Variants in RNF157 observed in about 807,000 individuals in gnomAD.
The protein encoded by RNF157 is E3 ubiquitin ligase RNF157.
RNF157 carries 55 observed loss-of-function variants against 88.3 expected under a neutral mutation model. The ratio of observed to expected loss-of-function variants is 0.62; its 90% CI spans 0.50 to 0.78. The LOEUF (loss-of-function observed/expected upper bound fraction) is 0.78. Ranked by LOEUF, RNF157 falls within the 30% of genes least tolerant of loss-of-function variation. The pLI, the probability that RNF157 is intolerant of heterozygous loss-of-function variation, is 0.00. For missense variants in RNF157, 788 were observed against 860.8 expected (o/e 0.92, Z 1.06); for synonymous variants, 334 against 341.2 (o/e 0.98, Z 0.23).
intron 2 of RNF157, among the ~76,000 whole-genome samples, chr17:76,207,639 C>T (rs1263181337): frequency 6.6e-6 from 1 of 152,188 alleles, no homozygotes; most frequent in Non-Finnish European, 1.5e-5. Context: ...AAAGAGGAGT[C>T]GTTCTTGCCG....
At chr17:76,224,398 C>T (rs1387666731) in intron 1 of RNF157, among the ~76,000 whole-genome samples, 3 of 151,824 alleles carry the variant, frequency 2.0e-5, no homozygotes, top group Non-Finnish European at 4.4e-5. Flanking sequence ...TTCTATTCTT[C>T]TACAATTCTA....
Position 76,161,913 on chromosome 17 carries a change from G to A in RNF157, c.882C>T (p.His294=), listed in dbSNP as rs2068851750. Residue 294 remains histidine, a synonymous_variant, in exon 10 of 19, where the codon CAC becomes CAT. Coordinates refer to ENST00000269391, the MANE Select transcript of RNF157 (RefSeq NM_052916.3). The surrounding 1 kb of genome is among the most constrained non-coding windows in gnomAD (Gnocchi z 4.6). ...CTGCACAGGTGTTACAGAGGCAGAGGTGGCGACAGGGCAGAATCAAGGTGT... is the reference window on the plus strand; with the variant it reads ...CTGCACAGGTGTTACAGAGGCAGAGATGGCGACAGGGCAGAATCAAGGTGT... ...VRDTLILPCR[H]LCLCNTCADT... 1 of 1,614,208 alleles carries A rather than the reference G, an allele frequency of 6.2e-7. No individual in the cohort carries two copies. Among genetic ancestry groups the A allele is most frequent in the Non-Finnish European group, 8.5e-7 (1 of 1,180,042 alleles).
chr17:76,176,462 T>C lies in RNF157; in HGVS notation c.208-2672A>G, dbSNP rs1296278594. 6.6e-6 allele frequency among the ~76,000 whole-genome samples: 1 copy of C among 152,218 alleles called. No individual in the cohort carries two copies. Among genetic ancestry groups the C allele is most frequent in the Non-Finnish European group, 1.5e-5 (1 of 68,030 alleles). ...CTCTTAGAGTTGTCTCCCATTCTTC[T>C]GTAAATCGATTTTGCCTACTATTAC... On this transcript the variant is annotated intron_variant, in intron 2 of 18. Coordinates refer to ENST00000269391, the MANE Select transcript of RNF157 (RefSeq NM_052916.3). The surrounding 1 kb of genome is among the most constrained non-coding windows in gnomAD (Gnocchi z 4.2).
chr17:76,213,789 A>G (rs1361585662), intron 1 of RNF157, among the ~76,000 whole-genome samples: 1 of 152,146 alleles, frequency 6.6e-6, no homozygotes, highest in Non-Finnish European at 1.5e-5. Flanking sequence ...TTGATCATCA[A>G]TGTCCAATGA....
intron 8 of RNF157, 167 bp downstream of exon 8, chr17:76,164,581 G>T: frequency 2.3e-5 from 10 of 428,768 alleles, no homozygotes; most frequent in Non-Finnish European, 3.7e-5. Context: ...ACATTCAAAA[G>T]CACTCCCTTT....
intron 12 of RNF157, 57 bp from the exon 13 acceptor site, chr17:76,158,558 T>C: frequency 8.0e-7 from 1 of 1,246,816 alleles, no homozygotes; most frequent in Non-Finnish European, 1.2e-6. Context: ...AGAACAGAAC[T>C]TACTGCAAGG....
rs566266413 is a variant in RNF157 at position 76,190,974 on chromosome 17, G to A, written c.208-17184C>T. ...CACCTGTAGTCCCGGCACTTTGGGAGGCCAGGAGTTCAAGACCAGCCTGGG... is the reference window on the plus strand; with the variant it reads ...CACCTGTAGTCCCGGCACTTTGGGAAGCCAGGAGTTCAAGACCAGCCTGGG... On this transcript the variant is annotated intron_variant, in intron 2 of 18. Transcript: ENST00000269391. Among the ~76,000 whole-genome samples, 136 of 152,006 alleles carry A rather than the reference G, an allele frequency of 8.9e-4. 1 individual carries two copies. Among genetic ancestry groups the A allele is most frequent in the Non-Finnish European group, 1.5e-3 (101 of 67,988 alleles).
intron 1 of RNF157, among the ~76,000 whole-genome samples, chr17:76,235,032 T>C (rs2070257638): frequency 6.6e-6 from 1 of 152,242 alleles, no homozygotes; most frequent in African/African-American, 2.4e-5. Flanking sequence ...ATTGTGCCAA[T>C]ACCACACTAT....
intron 2 of RNF157, among the ~76,000 whole-genome samples, chr17:76,184,233 GCAGA>G (rs1185261528): frequency 2.0e-5 from 3 of 151,376 alleles, no homozygotes; most frequent in Non-Finnish European, 4.4e-5. Flanking sequence ...TGTATATTGG[GCAGA>G]CATTTAATAT....
intron 1 of RNF157, among the ~76,000 whole-genome samples, chr17:76,232,398 A>G (rs1054411991): frequency 1.3e-5 from 2 of 152,088 alleles, no homozygotes; most frequent in Non-Finnish European, 2.9e-5. Flanking sequence ...CTAAAAAAAA[A>G]AAGCAAAGAA....
chr17:76,158,140 A>T (rs185902880), intron 13 of RNF157, among the ~76,000 whole-genome samples: 35 of 152,046 alleles, frequency 2.3e-4, no homozygotes, highest in African/African-American at 7.5e-4. Flanking sequence ...GCAAGAATAT[A>T]AATGCTACAA....
rs781147449 is a variant in RNF157, at chr17:76,158,481, G to C, written c.1325C>G (p.Ser442Cys). The stretch of plus-strand genomic sequence containing the variant: ...CTCATCTTCCTCTTCATGCAGCACG[G>C]AAGAGTTTTGGGAAGTGGATCTGTA... The part of the protein sequence containing the change: ...SLSKSTSQNS[S>C]VLHEEEDEHS... Residue 442 changes from serine to cysteine, a missense_variant, in exon 13 of 19, where the codon TCC (serine) becomes TGC (cysteine). Coordinates refer to ENST00000269391, the MANE Select transcript of RNF157 (RefSeq NM_052916.3). 5 of 1,613,656 alleles carry C rather than the reference G, an allele frequency of 3.1e-6. No homozygotes were observed. The highest frequency in any genetic ancestry group is 3.4e-6 in the Non-Finnish European group (4 of 1,179,574).
chr17:76,178,665 G>A (rs2069142729), intron 2 of RNF157, among the ~76,000 whole-genome samples: 1 of 152,194 alleles, frequency 6.6e-6, no homozygotes. Flanking sequence ...GCACTATGCT[G>A]AGCTCTTTAT....
At chr17:76,206,830 A>G (rs1386212279) in intron 2 of RNF157, among the ~76,000 whole-genome samples, 1 of 152,224 alleles carries the variant, frequency 6.6e-6, no homozygotes, top group African/African-American at 2.4e-5. Flanking sequence ...AAGTAGCTGT[A>G]GAAATAACCA....
At chr17:76,184,051 C>T (rs1568046325) in intron 2 of RNF157, among the ~76,000 whole-genome samples, 1 of 152,084 alleles carries the variant, frequency 6.6e-6, no homozygotes, top group South Asian at 2.1e-4. Context: ...ATTAGCCAGG[C>T]ACAGCGGCAC....
chr17:76,201,630 T>TACA (rs1294508350), intron 2 of RNF157, among the ~76,000 whole-genome samples: 2 of 152,230 alleles, frequency 1.3e-5, no homozygotes, highest in Non-Finnish European at 2.9e-5. Context: ...AGTATATTTG[T>TACA]GTAGCTATAA....
chr17:76,153,578 G>A (rs2068715156), intron 17 of RNF157: 1 of 152,378 alleles, frequency 6.6e-6, no homozygotes, highest in Non-Finnish European at 1.5e-5. Flanking sequence ...CTGCTTGGGG[G>A]AGACTTTCCT....
intron 1 of RNF157, among the ~76,000 whole-genome samples, chr17:76,237,212 G>A (rs1006340245): frequency 3.3e-4 from 51 of 152,264 alleles, no homozygotes; most frequent in African/African-American, 1.2e-3. Flanking sequence ...TTGTTTCAAT[G>A]TGCATACAAA....
intron 1 of RNF157, among the ~76,000 whole-genome samples, chr17:76,216,752 A>G (rs2069896069): frequency 6.6e-6 from 1 of 150,978 alleles, no homozygotes; most frequent in Admixed American, 6.6e-5. Flanking sequence ...TTAGCTGGGT[A>G]TGATGGCCCA....
Sources: allele counts gnomAD v4.1 joint callset (sites outside exome capture counted in the v4.1 genomes callset), GRCh38; gene constraint gnomAD v4.1.1; non-coding constraint Gnocchi (gnomAD v3.1); transcripts MANE v1.5; gene names NCBI Gene and HGNC (gene_info 2026-07-23, HGNC 2026-07-21).